The following TTF1 variants were observed in gnomAD, a reference collection of about 807,000 sequenced individuals.
TTF1 encodes the protein transcription termination factor, RNA polymerase I.
In TTF1, 64 loss-of-function variants were observed where a neutral mutation model predicts 80.2. That is an observed-to-expected ratio of 0.80 (90% CI 0.65 to 0.98). The LOEUF is 0.98. Ranked by LOEUF, TTF1 falls within the 50% of genes least tolerant of loss-of-function variation. The pLI, the probability that TTF1 is intolerant of heterozygous loss-of-function variation, is 0.00. For synonymous variants in TTF1, 372 were observed against 382.7 expected, an observed-to-expected ratio of 0.97 and a Z score of 0.33; for missense variants, 1,023 against 1,086.2, an observed-to-expected ratio of 0.94 and a Z score of 0.82.
chr9:132,387,120 G>C (rs1435813919), intron 8 of TTF1, among the ~76,000 whole-genome samples: 2 of 152,104 alleles, frequency 1.3e-5, no homozygotes, highest in African/African-American at 4.8e-5. Context: ...ACCATGCCCG[G>C]CTAATTTTTT....
At position 132,398,275 on chromosome 9, in the gene TTF1, TCTAA is replaced by T. The variant is rs1315392354; in HGVS notation, c.1639_1642del (p.Leu547ArgfsTer8). 1.2e-6 allele frequency: 2 copies of T among 1,609,856 alleles called. No individual in the cohort carries two copies. Among genetic ancestry groups the T allele is most frequent in the Non-Finnish European group, 8.5e-7 (1 of 1,178,608 alleles). ...GGCTAGAAAGTCTTCCACATTTTTC[TCTAA>T]CTGCTTATTTTCCTTTACAGAAAAC... On this transcript the variant is annotated frameshift_variant, in exon 4 of 11. Transcript: ENST00000334270. LOFTEE classifies it high-confidence loss of function.
intron 7 of TTF1, 62 bp from the exon 8 acceptor site, chr9:132,388,290 C>G: frequency 8.3e-7 from 1 of 1,201,008 alleles, no homozygotes; most frequent in South Asian, 1.4e-5. Context: ...TTAAAATATC[C>G]TATATTTTTC....
In TTF1 at chr9:132,382,771, A is replaced by G. The variant is rs1004240173; in HGVS notation, c.2379-3627T>C. Among the ~76,000 whole-genome samples the G allele has an allele frequency of 9.6e-3, 1,444 of 150,640 alleles. 32 individuals carry two copies. The highest frequency in any genetic ancestry group is 0.032 in the African/African-American group (1,323 of 41,036). ...TCTCTACTAAAAATACAAAAAAAAAAAAAAAAAAAAAAAGTCAGGTGTGGT... is the reference window on the plus strand; with the variant it reads ...TCTCTACTAAAAATACAAAAAAAAAGAAAAAAAAAAAAAGTCAGGTGTGGT... On this transcript the variant is annotated intron_variant, in intron 9 of 10. Transcript: ENST00000334270.
Position 132,400,732 on chromosome 9 carries a change from A to G in TTF1, c.1368-474T>C, listed in dbSNP as rs147377696. Among the ~76,000 whole-genome samples, 901 of 152,316 alleles carry G rather than the reference A, an allele frequency of 5.9e-3. 14 individuals are homozygous for G. The highest frequency in any genetic ancestry group is 0.021 in the African/African-American group (859 of 41,564). Reference sequence around the variant, plus strand: ...TTTCAAACTTTTTACTGGAACTTGAATTACTTGGATATATCTCAGAGGGAG... The same window carrying G: ...TTTCAAACTTTTTACTGGAACTTGAGTTACTTGGATATATCTCAGAGGGAG... On this transcript the variant is annotated intron_variant, in intron 2 of 10. Coordinates refer to ENST00000334270, the MANE Select transcript of TTF1 (RefSeq NM_007344.4).
intron 2 of TTF1, 22 bp downstream of exon 2, chr9:132,401,433 T>C (rs1849759976): frequency 6.3e-7 from 1 of 1,578,638 alleles, no homozygotes; most frequent in Non-Finnish European, 8.6e-7. Flanking sequence ...TACCAGCAGC[T>C]GGAATACCAC....
chr9:132,402,231 G>A lies in TTF1; in HGVS notation c.591C>T (p.Ser197=). The change falls in exon 2 of 11, where the codon TCC becomes TCT. Residue 197 remains serine (S), a synonymous_variant. Coordinates refer to ENST00000334270, the MANE Select transcript of TTF1 (RefSeq NM_007344.4). The part of the protein sequence containing the change: ...LPQSESHQEE[S]WLSVGPGGEI... The stretch of plus-strand genomic sequence containing the variant: ...CACCCCCTGGACCCACAGAAAGCCA[G>A]GACTCCTCCTGGTGGGATTCTGACT... 1 of 1,614,126 alleles carries A rather than the reference G, an allele frequency of 6.2e-7. No homozygotes were observed. The highest frequency in any genetic ancestry group is 1.1e-5 in the South Asian group (1 of 91,082).
chr9:132,381,690 C>A (rs1849374677), intron 9 of TTF1, among the ~76,000 whole-genome samples: 1 of 152,088 alleles, frequency 6.6e-6, no homozygotes, highest in Admixed American at 6.5e-5. Flanking sequence ...GACTTTGGGA[C>A]CACGGCATGT....
chr9:132,385,166 A>C (rs1294223683), intron 9 of TTF1, among the ~76,000 whole-genome samples: 2 of 152,176 alleles, frequency 1.3e-5, no homozygotes, highest in African/African-American at 2.4e-5. Context: ...AGGGTAACAC[A>C]TCTGAGTCAC....
chr9:132,396,791 C>T (rs1365019651), intron 4 of TTF1, among the ~76,000 whole-genome samples: 1 of 151,978 alleles, frequency 6.6e-6, no homozygotes, highest in Non-Finnish European at 1.5e-5. Flanking sequence ...CCTCAGCCTC[C>T]CGAGTAGCTG....
chr9:132,377,565 G>GGT (rs1192720888), intron 10 of TTF1, among the ~76,000 whole-genome samples: 1 of 41,698 alleles, frequency 2.4e-5, no homozygotes, highest in South Asian at 1.4e-3. Flanking sequence ...GAATGCATGT[G>GGT]GTGAGTGCAT....
chr9:132,378,475 C>T (rs1849294489), intron 10 of TTF1, among the ~76,000 whole-genome samples: 1 of 118,958 alleles, frequency 8.4e-6, no homozygotes, highest in Non-Finnish European at 1.7e-5. Flanking sequence ...TGTGTGAGTG[C>T]ATGTGGTGTG....
At chr9:132,406,163 G>C (rs1214941517) in intron 1 of TTF1, among the ~76,000 whole-genome samples, 1 of 152,168 alleles carries the variant, frequency 6.6e-6, no homozygotes, top group Non-Finnish European at 1.5e-5. Flanking sequence ...TTCCCGCTCT[G>C]CAGGTACGTG....
chr9:132,403,686 G>C lies in TTF1; in HGVS notation c.-7-858C>G, dbSNP rs573130878. ...CTCTGCTTTAAAAAAAAAAGACAAA[G>C]AAAAAAGAAAACAAGGAAGAAAAAG... On this transcript the variant is annotated intron_variant, in intron 1 of 10. Coordinates refer to ENST00000334270, the MANE Select transcript of TTF1 (RefSeq NM_007344.4). 1.3e-5 allele frequency among the ~76,000 whole-genome samples: 2 copies of C among 151,924 alleles called. 1 individual carries two copies. The highest frequency in any genetic ancestry group is 4.2e-4 in the South Asian group (2 of 4,810).
At chr9:132,376,713 A>T (rs998579856) in intron 10 of TTF1, among the ~76,000 whole-genome samples, 3 of 150,796 alleles carry the variant, frequency 2.0e-5, no homozygotes, top group Non-Finnish European at 3.0e-5. Flanking sequence ...CCCCAGCTGA[A>T]GTGCAGTGGT....
At chr9:132,397,455 G>A (rs965736386) in intron 4 of TTF1, among the ~76,000 whole-genome samples, 7 of 152,116 alleles carry the variant, frequency 4.6e-5, no homozygotes, top group African/African-American at 1.2e-4. Context: ...ACCTCCAGTC[G>A]GAGGGTTCCA....
intron 4 of TTF1, among the ~76,000 whole-genome samples, 163 bp from the exon 5 acceptor site, chr9:132,396,674 G>T (rs866406963): frequency 3.9e-3 from 547 of 140,256 alleles, no homozygotes; most frequent in Non-Finnish European, 5.1e-3. Context: ...TTTTTTGTTT[G>T]TTTTTTTTTT....
In TTF1 at chr9:132,400,415, C is replaced by T. The variant is rs1016959609; in HGVS notation, c.1368-157G>A. Among the ~76,000 whole-genome samples the T allele has an allele frequency of 5.3e-5, 8 of 152,244 alleles. No individual in the cohort carries two copies. In the East Asian group the frequency reaches 1.5e-3, roughly 29 times the overall value. ...CTCAGCTCACTGCAACTTCTGCCTC[C>T]CGGTTCAAGCGATTCTCCTGCCTCA... On this transcript the variant is annotated intron_variant, in intron 2 of 10. Transcript: ENST00000334270.
intron 2 of TTF1, among the ~76,000 whole-genome samples, chr9:132,401,128 G>A (rs1021895038): frequency 1.3e-5 from 2 of 152,102 alleles, no homozygotes; most frequent in African/African-American, 4.8e-5. Flanking sequence ...TCAGGAGTTC[G>A]AGACCAGCCT....
At chr9:132,378,909 CAGAT>C (rs570788115) in intron 10 of TTF1, 146 bp downstream of exon 10, 190 of 570,654 alleles carry the variant, frequency 3.3e-4, no homozygotes, top group African/African-American at 1.9e-3. Flanking sequence ...GAAGTCCTGT[CAGAT>C]AGGGATTATA....
Sources: allele counts gnomAD v4.1 joint callset (sites outside exome capture counted in the v4.1 genomes callset), GRCh38; gene constraint gnomAD v4.1.1; transcripts MANE v1.5; gene names NCBI Gene and HGNC (gene_info 2026-07-23, HGNC 2026-07-21).